The following ADARB2 variants were observed in gnomAD, a reference collection of about 807,000 sequenced individuals.
ADARB2 encodes the protein adenosine deaminase RNA specific B2 (inactive).
In ADARB2, 25 loss-of-function variants were observed where a neutral mutation model predicts 62.2. The ratio of observed to expected loss-of-function variants is 0.40; its 90% confidence interval spans 0.29 to 0.56. The LOEUF (loss-of-function observed/expected upper bound fraction) is 0.56, where lower values mean the gene tolerates loss of function less well. Ranked by LOEUF, ADARB2 falls within the 20% of genes least tolerant of loss-of-function variation. The probability of loss-of-function intolerance (pLI) is 0.43; values close to 1 mark genes in which losing one functional copy is unlikely to be tolerated. For synonymous variants in ADARB2, 572 were observed against 500.8 expected (o/e 1.14, Z -1.90); for missense variants, 1,071 against 1,077.4 (o/e 0.99, Z 0.08).
At chr10:1,347,776 G>T (rs1589199843) in intron 3 of ADARB2, among the ~76,000 whole-genome samples, 1 of 152,218 alleles carries the variant, frequency 6.6e-6, no homozygotes, top group African/African-American at 2.4e-5. Context: ...TGCACCGAAG[G>T]CACCCCCAGT....
intron 1 of ADARB2, among the ~76,000 whole-genome samples, chr10:1,694,572 C>T (rs1232167329): frequency 1.3e-5 from 2 of 152,158 alleles, no homozygotes; most frequent in African/African-American, 4.8e-5. Context: ...TGCAATGGCC[C>T]CATTCAGGGG....
chr10:1,538,309 C>T (rs1390242529), intron 1 of ADARB2, among the ~76,000 whole-genome samples: 1 of 152,160 alleles, frequency 6.6e-6, no homozygotes. Context: ...GGTGGGTGTC[C>T]CACAGGGGTC....
At chr10:1,684,356 A>C (rs950597702) in intron 1 of ADARB2, among the ~76,000 whole-genome samples, 1 of 152,234 alleles carries the variant, frequency 6.6e-6, no homozygotes, top group Non-Finnish European at 1.5e-5. Flanking sequence ...GAACTCAGAG[A>C]AACATAGAAT....
chr10:1,411,634 T>C (rs2131879574), intron 1 of ADARB2, among the ~76,000 whole-genome samples: 1 of 152,274 alleles, frequency 6.6e-6, no homozygotes, highest in Non-Finnish European at 1.5e-5. Context: ...GGGCGGTCCG[T>C]GCTGAGTGGA....
chr10:1,627,945 T>C (rs1875011), intron 1 of ADARB2, among the ~76,000 whole-genome samples: 16,316 of 152,232 alleles, frequency 0.11, 1,044 homozygotes, highest in Non-Finnish European at 0.15. Flanking sequence ...TCACCCCTCC[T>C]CCACTCACAC....
At chr10:1,380,781 C>T (rs868597826) in intron 1 of ADARB2, among the ~76,000 whole-genome samples, 4 of 152,152 alleles carry the variant, frequency 2.6e-5, no homozygotes, top group South Asian at 2.1e-4. Flanking sequence ...CCCTTGCAGC[C>T]GAAGCTAATT....
At chr10:1,695,307 G>A (rs549304952) in intron 1 of ADARB2, among the ~76,000 whole-genome samples, 3 of 152,224 alleles carry the variant, frequency 2.0e-5, no homozygotes, top group South Asian at 4.2e-4. Flanking sequence ...CCTTACCAGC[G>A]GTGCAGCTCA....
chr10:1,591,712 C>T (rs889141362), intron 1 of ADARB2, among the ~76,000 whole-genome samples: 1 of 152,110 alleles, frequency 6.6e-6, no homozygotes, highest in Non-Finnish European at 1.5e-5. Context: ...CACCTGCCGC[C>T]GTCTTGTTGG....
intron 3 of ADARB2, among the ~76,000 whole-genome samples, chr10:1,355,501 G>A (rs937413851): frequency 6.6e-6 from 1 of 152,216 alleles, no homozygotes; most frequent in Admixed American, 6.5e-5. Flanking sequence ...TGTAAAGCAC[G>A]TAGAATAATG....
At chr10:1,214,222 G>A (rs964622894) in intron 7 of ADARB2, among the ~76,000 whole-genome samples, 2 of 134,748 alleles carry the variant, frequency 1.5e-5, no homozygotes, top group South Asian at 2.7e-4. Context: ...CCAGCATCGT[G>A]TAGGTTTGCA....
At chr10:1,458,183 C>T (rs1037956546) in intron 1 of ADARB2, among the ~76,000 whole-genome samples, 3 of 152,174 alleles carry the variant, frequency 2.0e-5, no homozygotes, top group Non-Finnish European at 2.9e-5. Context: ...GGCACGTGTC[C>T]ATCTGTCTGA....
chr10:1,297,749 C>T lies in ADARB2; in HGVS notation c.1078-26680G>A, dbSNP rs976256408. Among the ~76,000 whole-genome samples, 6 of 152,216 alleles carry T rather than the reference C, an allele frequency of 3.9e-5. No homozygotes were observed. In the East Asian group the frequency reaches 5.8e-4, roughly 15 times the overall value. ...CCACCGGGGGGCACACCTTTTTCCT[C>T]GGTAAGCCCTGAAACTCCCCCAGTC... On this transcript the variant is annotated intron_variant, in intron 3 of 9. Transcript: ENST00000381312.
chr10:1,638,757 T>A (rs891701577), intron 1 of ADARB2, among the ~76,000 whole-genome samples: 16 of 152,194 alleles, frequency 1.1e-4, no homozygotes, highest in African/African-American at 3.9e-4. Flanking sequence ...CAGCCAGTCC[T>A]CTCCATGTCT....
intron 1 of ADARB2, among the ~76,000 whole-genome samples, chr10:1,526,157 G>A (rs1452708608): frequency 6.6e-6 from 1 of 151,962 alleles, no homozygotes; most frequent in African/African-American, 2.4e-5. Flanking sequence ...GCACTTGCGC[G>A]GCTGCTCCTG....
chr10:1,234,526 A>G (rs1830844322), intron 5 of ADARB2, among the ~76,000 whole-genome samples: 2 of 151,846 alleles, frequency 1.3e-5, no homozygotes, highest in Non-Finnish European at 2.9e-5. Context: ...CTGTAGCCTC[A>G]GCTTCCTGGG....
intron 1 of ADARB2, among the ~76,000 whole-genome samples, chr10:1,482,757 G>T (rs1375825288): frequency 6.6e-6 from 1 of 152,068 alleles, no homozygotes; most frequent in Non-Finnish European, 1.5e-5. Flanking sequence ...GGAATGCAGT[G>T]AGGATGACAA....
intron 1 of ADARB2, among the ~76,000 whole-genome samples, chr10:1,715,518 T>C (rs1263122723): frequency 6.6e-6 from 1 of 152,202 alleles, no homozygotes; most frequent in South Asian, 2.1e-4. Context: ...ATCTAGGAAA[T>C]GTAGGAAAGC....
At chr10:1,224,640 G>A (rs1043214030) in intron 6 of ADARB2, among the ~76,000 whole-genome samples, 3 of 152,068 alleles carry the variant, frequency 2.0e-5, no homozygotes. Context: ...TGTTCTTATT[G>A]GTTTCAAAGA....
chr10:1,355,400 A>G (rs565910083), intron 3 of ADARB2, among the ~76,000 whole-genome samples: 53 of 152,318 alleles, frequency 3.5e-4, no homozygotes, highest in African/African-American at 1.3e-3. Flanking sequence ...CTCAGTGACT[A>G]GACTTTGGAC....
Sources: allele counts gnomAD v4.1 joint callset (sites outside exome capture counted in the v4.1 genomes callset), GRCh38; gene constraint gnomAD v4.1.1; transcripts MANE v1.5; gene names NCBI Gene and HGNC (gene_info 2026-07-23, HGNC 2026-07-21).